Variants in ECT2L observed in about 807,000 individuals in gnomAD.
ECT2L encodes the protein epithelial cell transforming 2 like.
A neutral mutation model predicts 122.8 loss-of-function variants in ECT2L; 126 were observed. That is an observed-to-expected ratio of 1.03 (90% CI 0.89 to 1.19). The LOEUF (loss-of-function observed/expected upper bound fraction) is 1.19, where lower values mean the gene tolerates loss of function less well. ECT2L is among the 50% of genes most tolerant of loss of function. The probability of loss-of-function intolerance (pLI) is 0.00; values close to 1 mark genes in which losing one functional copy is unlikely to be tolerated. For missense variants in ECT2L, 1,012 were observed against 1,064.1 expected, an observed-to-expected ratio of 0.95 and a Z score of 0.68; for synonymous variants, 385 against 381.8, an observed-to-expected ratio of 1.01 and a Z score of -0.10.
At chr6:138,814,383 T>C in intron 3 of ECT2L, 108 bp from the exon 4 acceptor site, 1 of 627,684 alleles carries the variant, frequency 1.6e-6, no homozygotes. Context: ...TGTAATGCAC[T>C]CTGCAAATAT....
At chr6:138,848,960 TA>T (rs879550390) in intron 8 of ECT2L, among the ~76,000 whole-genome samples, 7 of 152,206 alleles carry the variant, frequency 4.6e-5, no homozygotes, top group African/African-American at 7.2e-5. Context: ...TGGCCATTAT[TA>T]CTTTTTAAAA....
At chr6:138,883,005 A>C in intron 16 of ECT2L, 134 bp downstream of exon 16, 1 of 949,686 alleles carries the variant, frequency 1.1e-6, no homozygotes. Context: ...ATACTGTGTG[A>C]TCTCTGAGGA....
At chr6:138,839,951 G>C (rs1160882373) in intron 5 of ECT2L, among the ~76,000 whole-genome samples, 3 of 151,776 alleles carry the variant, frequency 2.0e-5, no homozygotes, top group Non-Finnish European at 4.4e-5. Flanking sequence ...CAGTTTCCAT[G>C]CTTTTTTTGT....
chr6:138,887,585 T>G (rs1778871542), intron 19 of ECT2L, among the ~76,000 whole-genome samples: 1 of 152,164 alleles, frequency 6.6e-6, no homozygotes, highest in African/African-American at 2.4e-5. Flanking sequence ...TGCACCCTGA[T>G]GGTATCTGAA....
chr6:138,813,345 G>A lies in ECT2L; in HGVS notation c.66+5G>A, dbSNP rs1289342522. On this transcript the variant is annotated splice_donor_5th_base_variant and intron_variant, in intron 3 of 21. Transcript: ENST00000541398. ...AACAAGTCATTAAATAGACAGGTAA[G>A]TTACATACTTTAAAACAGAACAAGT... 6.2e-7 allele frequency: 1 copy of A among 1,605,706 alleles called. No individual in the cohort carries two copies.
chr6:138,854,038 G>T lies in ECT2L; in HGVS notation c.1082G>T (p.Gly361Val). The part of the protein sequence containing the change: ...EINLLQGYKI[G>V]VKNLLRPEVR... ...TTTTTTTCCTCAGGCTATAAAATTG[G>T]TGTTAAAAATTTACTGAGGCCTGAA... is the stretch of plus-strand genomic sequence containing the variant. Residue 361 changes from glycine (G) to valine (V), a missense_variant, in exon 10 of 22, where the codon GGT (glycine) becomes GTT (valine). Coordinates refer to ENST00000541398, the MANE Select transcript of ECT2L (RefSeq NM_001077706.3). 1 of 1,613,822 alleles carries T rather than the reference G, an allele frequency of 6.2e-7. No individual in the cohort carries two copies. Among genetic ancestry groups the T allele is most frequent in the Non-Finnish European group, 8.5e-7 (1 of 1,179,840 alleles).
chr6:138,865,667 GC>G (rs1303737425), intron 12 of ECT2L, among the ~76,000 whole-genome samples: 1 of 152,142 alleles, frequency 6.6e-6, no homozygotes, highest in African/African-American at 2.4e-5. Context: ...TCACACCCCA[GC>G]CCCATGACGG....
chr6:138,879,390 G>T (rs1263854588), intron 14 of ECT2L: 1 of 152,816 alleles, frequency 6.5e-6, no homozygotes, highest in East Asian at 1.9e-4. Context: ...ATATTTTATT[G>T]GGGGCAGTGT....
At chr6:138,895,174 G>A (rs746658799) in intron 20 of ECT2L, among the ~76,000 whole-genome samples, 5 of 152,130 alleles carry the variant, frequency 3.3e-5, no homozygotes, top group Middle Eastern at 3.4e-3. Context: ...CTTGTTTTCT[G>A]TCATTTTAGA....
At chr6:138,856,031 C>T (rs1428750849) in intron 10 of ECT2L, among the ~76,000 whole-genome samples, 1 of 152,296 alleles carries the variant, frequency 6.6e-6, no homozygotes, top group South Asian at 2.1e-4. Flanking sequence ...AATGTAATAT[C>T]CACCTGGATG....
At chr6:138,813,574 C>T (rs1775970761) in intron 3 of ECT2L, among the ~76,000 whole-genome samples, 1 of 152,168 alleles carries the variant, frequency 6.6e-6, no homozygotes, top group Non-Finnish European at 1.5e-5. Context: ...TCAGTACCTC[C>T]AGGAACAAAA....
Position 138,885,584 on chromosome 6 carries a change from G to A in ECT2L, c.2102+5G>A, listed in dbSNP as rs1330047711. On this transcript the variant is annotated splice_donor_5th_base_variant and intron_variant, in intron 17 of 21. Transcript: ENST00000541398. ...CATTGTTACCAAAATGCTGAGGTAC[G>A]TTCTGAGGGAGAGCACAGCAGGGGT... 3.7e-6 allele frequency: 6 copies of A among 1,614,052 alleles called. No individual in the cohort carries two copies. The highest frequency in any genetic ancestry group is 2.2e-5 in the South Asian group (2 of 91,090).
At chr6:138,873,892 G>GTGTGTGTGTGTGTGTGTGTGTGTGTGTA (rs1554276991) in intron 13 of ECT2L, among the ~76,000 whole-genome samples, 2 of 134,964 alleles carry the variant, frequency 1.5e-5, no homozygotes, top group African/African-American at 5.5e-5. Flanking sequence ...GTGTGTGTGT[G>GTGTGTGTGTGTGTGTGTGTGTGTGTGTA]TGTGTGTGTG....
rs143206572 is a variant in ECT2L at position 138,807,508 on chromosome 6, C to G, written c.-243-5330C>G. Among the ~76,000 whole-genome samples the G allele has an allele frequency of 2.3e-3, 348 of 152,230 alleles. 1 individual carries two copies. Among genetic ancestry groups the G allele is most frequent in the African/African-American group, 8.1e-3 (338 of 41,538 alleles). ...TAATGCCGGTCATCTTCTCACTAGCCTTTCTCTAGACTCCACTACACCGTC... is the reference window on the plus strand; with the variant it reads ...TAATGCCGGTCATCTTCTCACTAGCGTTTCTCTAGACTCCACTACACCGTC... On this transcript the variant is annotated intron_variant, in intron 1 of 21. Coordinates refer to ENST00000541398, the MANE Select transcript of ECT2L (RefSeq NM_001077706.3).
chr6:138,860,655 C>T (rs1257474740), intron 10 of ECT2L, among the ~76,000 whole-genome samples: 1 of 151,160 alleles, frequency 6.6e-6, no homozygotes, highest in African/African-American at 2.4e-5. Flanking sequence ...GTAATTCAAC[C>T]TGTATGCTGA....
chr6:138,881,068 G>C lies in ECT2L; in HGVS notation c.1777G>C (p.Val593Leu). 4 of 1,614,190 alleles carry C rather than the reference G, an allele frequency of 2.5e-6. No homozygotes were observed. The highest frequency in any genetic ancestry group is 3.4e-6 in the Non-Finnish European group (4 of 1,180,032). The change falls in exon 15 of 22, where the codon GTC becomes CTC. Residue 593 changes from valine (V) to leucine (L), a missense_variant. By Grantham distance (32) the Val-to-Leu change is conservative. Transcript: ENST00000541398. ...ACTGGAAATTGTGAGAGATGTTTATGTCGCACCACTGAAAGCAGCATTGTC... is the reference window on the plus strand; with the variant it reads ...ACTGGAAATTGTGAGAGATGTTTATCTCGCACCACTGAAAGCAGCATTGTC... Reference protein sequence around the residue: ...QILEIVRDVYVAPLKAALSSN... With the variant: ...QILEIVRDVYLAPLKAALSSN...
intron 8 of ECT2L, among the ~76,000 whole-genome samples, chr6:138,847,665 C>A (rs1777282380): frequency 6.6e-6 from 1 of 151,300 alleles, no homozygotes; most frequent in Admixed American, 6.6e-5. Flanking sequence ...GCGTAAGCCA[C>A]CGCACCCAGC....
chr6:138,875,788 G>T (rs114474106), intron 13 of ECT2L, among the ~76,000 whole-genome samples: 6,706 of 152,224 alleles, frequency 0.044, 463 homozygotes, highest in African/African-American at 0.15. Flanking sequence ...TAACCTATTT[G>T]CCCTCAACTG....
intron 16 of ECT2L, among the ~76,000 whole-genome samples, chr6:138,883,833 G>GT (rs1211854360): frequency 1.3e-5 from 2 of 152,202 alleles, no homozygotes; most frequent in African/African-American, 2.4e-5. Context: ...GTGCACACAA[G>GT]TAAGTACTTA....
Sources: allele counts gnomAD v4.1 joint callset (sites outside exome capture counted in the v4.1 genomes callset), GRCh38; gene constraint gnomAD v4.1.1; transcripts MANE v1.5; gene names NCBI Gene and HGNC (gene_info 2026-07-23, HGNC 2026-07-21).